The following NAV2 variants were observed in gnomAD, a reference collection of about 807,000 sequenced individuals.
NAV2 encodes the protein neuron navigator 2.
In NAV2, 54 loss-of-function variants were observed where a neutral mutation model predicts 223.2. The observed-to-expected ratio is 0.24, with a 90% CI of 0.19 to 0.30. The LOEUF is 0.30. NAV2 is among the 10% of genes least tolerant of loss of function. NAV2 has a pLI of 1.00. For missense variants in NAV2, 2,806 were observed against 3,147.5 expected (o/e 0.89, Z 2.60); for synonymous variants, 1,279 against 1,239.3 (o/e 1.03, Z -0.67).
intron 1 of NAV2, among the ~76,000 whole-genome samples, chr11:19,793,295 A>C (rs909336583): frequency 2.2e-4 from 33 of 151,624 alleles, no homozygotes; most frequent in African/African-American, 8.0e-4. Flanking sequence ...TGCATGTATC[A>C]CAACAGCTGA....
chr11:19,361,449 T>G (rs1853935404), intron 1 of NAV2, among the ~76,000 whole-genome samples: 1 of 152,106 alleles, frequency 6.6e-6, no homozygotes, highest in Non-Finnish European at 1.5e-5. Context: ...ATTCATTGAC[T>G]TCTTGGTCTA....
chr11:20,101,869 T>C (rs1302463835), intron 32 of NAV2, among the ~76,000 whole-genome samples: 3 of 152,238 alleles, frequency 2.0e-5, no homozygotes, highest in Admixed American at 1.3e-4. Flanking sequence ...TTAGTGAGCA[T>C]TGATGGATAA....
intron 1 of NAV2, among the ~76,000 whole-genome samples, chr11:19,541,311 C>A (rs1453509094): frequency 1.2e-4 from 19 of 152,194 alleles, no homozygotes; most frequent in Non-Finnish European, 4.4e-5. Context: ...AAAAATGTGA[C>A]CTGCTTTCCC....
intron 1 of NAV2, among the ~76,000 whole-genome samples, chr11:19,436,951 T>A (rs1851238537): frequency 6.6e-6 from 1 of 152,208 alleles, no homozygotes. Flanking sequence ...CTTTACTAAG[T>A]TCTTTTATAA....
chr11:19,931,519 G>A (rs895135793), intron 6 of NAV2, among the ~76,000 whole-genome samples: 4 of 148,436 alleles, frequency 2.7e-5, no homozygotes, highest in African/African-American at 9.9e-5. Context: ...TTCAGCAGCC[G>A]TTGACTTTTA....
At chr11:20,003,895 G>A (rs530035236) in intron 11 of NAV2, among the ~76,000 whole-genome samples, 1 of 152,290 alleles carries the variant, frequency 6.6e-6, no homozygotes, top group Admixed American at 6.5e-5. Context: ...ATTGGATTTG[G>A]ATGTTCTAGC....
At chr11:19,509,918 G>A (rs2043227636) in intron 1 of NAV2, among the ~76,000 whole-genome samples, 1 of 152,134 alleles carries the variant, frequency 6.6e-6, no homozygotes, top group Admixed American at 6.5e-5. Context: ...TTCAAGGATG[G>A]GTCTGAGGTC....
intron 1 of NAV2, among the ~76,000 whole-genome samples, chr11:19,509,065 A>G (rs1290216604): frequency 2.0e-5 from 3 of 152,246 alleles, no homozygotes; most frequent in African/African-American, 7.2e-5. Flanking sequence ...ATACCCTGCA[A>G]TATAGAAGAA....
intron 1 of NAV2, among the ~76,000 whole-genome samples, chr11:19,462,923 CTA>C (rs1852216242): frequency 6.6e-6 from 1 of 152,224 alleles, no homozygotes; most frequent in Non-Finnish European, 1.5e-5. Flanking sequence ...AGGTGGGCCT[CTA>C]CAGAGTCCAA....
chr11:19,564,651 C>T (rs1253204317), intron 1 of NAV2, among the ~76,000 whole-genome samples: 1 of 128,270 alleles, frequency 7.8e-6, no homozygotes, highest in African/African-American at 4.6e-5. Flanking sequence ...CAGACCTGCC[C>T]TCTAGTTCCC....
At chr11:19,846,347 A>G (rs2060809852) in intron 3 of NAV2, among the ~76,000 whole-genome samples, 1 of 152,142 alleles carries the variant, frequency 6.6e-6, no homozygotes, top group African/African-American at 2.4e-5. Context: ...CCTGGGGTGA[A>G]AGGAGGGGCA....
chr11:19,817,463 CAGTT>C (rs1249340783), intron 1 of NAV2, among the ~76,000 whole-genome samples: 2 of 152,116 alleles, frequency 1.3e-5, no homozygotes, highest in Admixed American at 6.5e-5. Context: ...CAGGCAGAGA[CAGTT>C]AGGTCCAGTG....
intron 7 of NAV2, among the ~76,000 whole-genome samples, chr11:19,938,429 C>T (rs2046107128): frequency 6.6e-6 from 1 of 152,210 alleles, no homozygotes; most frequent in South Asian, 2.1e-4. Context: ...GCAGCCACCA[C>T]TTGGCACCAG....
intron 1 of NAV2, among the ~76,000 whole-genome samples, chr11:19,668,514 C>G (rs2048487811): frequency 1.0e-5 from 1 of 98,854 alleles, no homozygotes; most frequent in African/African-American, 3.7e-5. Context: ...GCCTGGGCAA[C>G]AGAATGAGAC....
intron 1 of NAV2, among the ~76,000 whole-genome samples, chr11:19,772,958 G>A (rs1565289858): frequency 6.6e-6 from 1 of 152,230 alleles, no homozygotes; most frequent in Non-Finnish European, 1.5e-5. Flanking sequence ...GGCTGGGCTT[G>A]CAGAATTTAG....
intron 1 of NAV2, among the ~76,000 whole-genome samples, chr11:19,679,035 C>T (rs1207040890): frequency 3.3e-5 from 5 of 152,120 alleles, no homozygotes; most frequent in Non-Finnish European, 5.9e-5. Flanking sequence ...AATTACAAAG[C>T]GGTCAGATTA....
intron 11 of NAV2, among the ~76,000 whole-genome samples, chr11:19,986,387 A>G (rs1246579308): frequency 6.6e-6 from 1 of 152,220 alleles, no homozygotes; most frequent in East Asian, 1.9e-4. Context: ...TGGGAGGCCA[A>G]GGCGGGCAGA....
intron 26 of NAV2, among the ~76,000 whole-genome samples, chr11:20,087,912 C>T (rs2060561206): frequency 6.6e-6 from 1 of 152,090 alleles, no homozygotes; most frequent in Non-Finnish European, 1.5e-5. Context: ...TAATATACTT[C>T]AAATACCTAG....
chr11:19,597,496 G>T (rs2135206299), intron 1 of NAV2, among the ~76,000 whole-genome samples: 1 of 152,272 alleles, frequency 6.6e-6, no homozygotes. Context: ...ATCTCTTGGA[G>T]GGCTATGAAG....
Sources: allele counts gnomAD v4.1 joint callset (sites outside exome capture counted in the v4.1 genomes callset), GRCh38; gene constraint gnomAD v4.1.1; transcripts MANE v1.5; gene names NCBI Gene and HGNC (gene_info 2026-07-23, HGNC 2026-07-21).